Variants in MDGA2 observed in about 807,000 individuals in gnomAD.
MDGA2 encodes MAM domain-containing glycosylphosphatidylinositol anchor protein 2.
A neutral mutation model predicts 117.8 loss-of-function variants in MDGA2; 40 were observed. The ratio of observed to expected loss-of-function variants is 0.34; its 90% CI spans 0.26 to 0.44. The LOEUF is 0.44. MDGA2 is among the 20% of genes least tolerant of loss of function. MDGA2 has a pLI of 1.00. For missense variants in MDGA2, 1,123 were observed against 1,250.6 expected (o/e 0.90, Z 1.54); for synonymous variants, 452 against 439.0 (o/e 1.03, Z -0.37).
At chr14:47,550,997 C>G in intron 1 of MDGA2, among the ~76,000 whole-genome samples, 1 of 152,018 alleles carries the variant, frequency 6.6e-6, no homozygotes, top group East Asian at 1.9e-4. Context: ...CCAACCTAGC[C>G]TTTTTAAAGC....
At chr14:47,372,658 T>A (rs1407222443) in intron 1 of MDGA2, among the ~76,000 whole-genome samples, 5 of 151,986 alleles carry the variant, frequency 3.3e-5, no homozygotes, top group African/African-American at 1.2e-4. Flanking sequence ...AATTTAGCAA[T>A]ATATAGTAAA....
intron 7 of MDGA2, among the ~76,000 whole-genome samples, chr14:47,055,546 T>C (rs188128973): frequency 4.6e-4 from 70 of 152,300 alleles, no homozygotes; most frequent in African/African-American, 1.7e-3. Context: ...AATAAGATTT[T>C]ACCTCAATCT....
At chr14:46,972,061 C>T (rs1595079470) in intron 8 of MDGA2, among the ~76,000 whole-genome samples, 1 of 152,172 alleles carries the variant, frequency 6.6e-6, no homozygotes, top group South Asian at 2.1e-4. Context: ...CAGGGGTTAT[C>T]ATGGGAACCT....
At chr14:46,968,948 G>A (rs187385125) in intron 8 of MDGA2, among the ~76,000 whole-genome samples, 5 of 151,470 alleles carry the variant, frequency 3.3e-5, no homozygotes, top group Non-Finnish European at 7.4e-5. Flanking sequence ...TAATGAACTA[G>A]CTGAGAAAAA....
chr14:47,048,370 T>G (rs1400185864), intron 7 of MDGA2, among the ~76,000 whole-genome samples: 1 of 152,078 alleles, frequency 6.6e-6, no homozygotes, highest in Non-Finnish European at 1.5e-5. Context: ...TTAAAGTAAT[T>G]CACAATTTAT....
At chr14:47,531,539 T>C (rs1177680573) in intron 1 of MDGA2, among the ~76,000 whole-genome samples, 1 of 152,202 alleles carries the variant, frequency 6.6e-6, no homozygotes, top group African/African-American at 2.4e-5. Flanking sequence ...CTTCAATCCC[T>C]TGCTTGTAAA....
At chr14:47,619,948 T>G (rs531701017) in intron 1 of MDGA2, among the ~76,000 whole-genome samples, 11 of 152,334 alleles carry the variant, frequency 7.2e-5, no homozygotes, top group Admixed American at 5.9e-4. Context: ...CACACAGCCA[T>G]CCACTTGATT....
chr14:47,070,415 G>A (rs965533179), intron 6 of MDGA2, among the ~76,000 whole-genome samples: 1 of 152,140 alleles, frequency 6.6e-6, no homozygotes, highest in African/African-American at 2.4e-5. Context: ...GTATGTGGGA[G>A]CCATCCCTTT....
At chr14:47,521,777 T>G (rs1436113690) in intron 1 of MDGA2, among the ~76,000 whole-genome samples, 1 of 152,050 alleles carries the variant, frequency 6.6e-6, no homozygotes, top group African/African-American at 2.4e-5. Flanking sequence ...GTTCAAGTGA[T>G]TCTCCTACCT....
At chr14:46,953,414 T>C (rs1000987132) in intron 9 of MDGA2, among the ~76,000 whole-genome samples, 1 of 151,912 alleles carries the variant, frequency 6.6e-6, no homozygotes, top group Non-Finnish European at 1.5e-5. Flanking sequence ...TCTAAGTATA[T>C]ATAACTGTGT....
chr14:47,211,865 T>C (rs1383683841), intron 3 of MDGA2, among the ~76,000 whole-genome samples: 1 of 152,214 alleles, frequency 6.6e-6, no homozygotes, highest in Non-Finnish European at 1.5e-5. Flanking sequence ...CACTGTTGTG[T>C]GGCATAATTT....
At chr14:46,880,672 C>T (rs892958997) in intron 11 of MDGA2, among the ~76,000 whole-genome samples, 1 of 150,944 alleles carries the variant, frequency 6.6e-6, no homozygotes, top group Non-Finnish European at 1.5e-5. Flanking sequence ...CATGGTGGCA[C>T]ATGCCTGTAA....
rs1475731160 is a variant in MDGA2, at chr14:47,537,330, T to C, written c.280+137187A>G. Among the ~76,000 whole-genome samples, 275 of 134,900 alleles carry C rather than the reference T, an allele frequency of 2.0e-3. 2 individuals are homozygous for C. The highest frequency in any genetic ancestry group is 6.9e-3 in the African/African-American group (258 of 37,228). 88.5% of individuals were successfully genotyped at this position (134,900 alleles called of 152,430 possible). A position where few individuals can be genotyped will look rare whatever the true frequency, so the allele number is the denominator to read the frequency against. On this transcript the variant is annotated intron_variant, in intron 1 of 16. Coordinates refer to ENST00000399232, the MANE Select transcript of MDGA2 (RefSeq NM_001113498.3). ...GTCGGGTGGGGGGAGGGGGGAGGGA[T>C]AGCATTAGGAGATATACCTAATGTA...
Position 47,287,664 on chromosome 14 carries a change from T to C in MDGA2, c.420+13747A>G, listed in dbSNP as rs148134544. 5.3e-5 allele frequency among the ~76,000 whole-genome samples: 8 copies of C among 152,276 alleles called. No homozygotes were observed. In the East Asian group the frequency reaches 5.8e-4, roughly 11 times the overall value. On this transcript the variant is annotated intron_variant, in intron 2 of 16. Coordinates refer to ENST00000399232, the MANE Select transcript of MDGA2 (RefSeq NM_001113498.3). ...ATTTGTTCAGTAAAAGTATGGATTA[T>C]CTAATTTCAATGAATAAATAATATA...
At chr14:47,339,407 A>G (rs933876826) in intron 1 of MDGA2, among the ~76,000 whole-genome samples, 20 of 152,190 alleles carry the variant, frequency 1.3e-4, no homozygotes, top group African/African-American at 4.1e-4. Context: ...TCCAAATCTC[A>G]TGTAGGAATT....
intron 7 of MDGA2, among the ~76,000 whole-genome samples, chr14:47,048,408 C>G (rs969101131): frequency 2.0e-5 from 3 of 152,024 alleles, no homozygotes; most frequent in African/African-American, 7.2e-5. Flanking sequence ...CTGTTGCTCA[C>G]AGTGGTAAAA....
At chr14:47,151,943 T>G (rs541516320) in intron 3 of MDGA2, among the ~76,000 whole-genome samples, 10 of 152,134 alleles carry the variant, frequency 6.6e-5, no homozygotes, top group African/African-American at 2.4e-4. Context: ...TCAATGTCAG[T>G]TTTCAGCAAG....
At chr14:47,381,061 C>A (rs1196644470) in intron 1 of MDGA2, among the ~76,000 whole-genome samples, 1 of 152,126 alleles carries the variant, frequency 6.6e-6, no homozygotes, top group Non-Finnish European at 1.5e-5. Flanking sequence ...TCAACATACA[C>A]AAATCAGTAA....
chr14:47,461,048 G>C (rs1486464921), intron 1 of MDGA2, among the ~76,000 whole-genome samples: 2 of 151,904 alleles, frequency 1.3e-5, no homozygotes, highest in East Asian at 1.9e-4. Flanking sequence ...TGAAATCCGA[G>C]GGAATAAATT....
Sources: allele counts gnomAD v4.1 joint callset (sites outside exome capture counted in the v4.1 genomes callset), GRCh38; gene constraint gnomAD v4.1.1; transcripts MANE v1.5; gene names NCBI Gene and HGNC (gene_info 2026-07-23, HGNC 2026-07-21).